The following NKAIN2 variants were observed in gnomAD, a reference collection of about 807,000 sequenced individuals.
The protein encoded by NKAIN2 is sodium/potassium transporting ATPase interacting 2, also known as sodium/potassium-transporting ATPase subunit beta-1-interacting protein 2.
In NKAIN2, 14 loss-of-function variants were observed where a neutral mutation model predicts 32.6. That is an observed-to-expected ratio of 0.43 (90% CI 0.28 to 0.67). NKAIN2 has a LOEUF of 0.67. Among genes scored for constraint, NKAIN2 ranks in the 30% least tolerant of loss-of-function variants. The pLI is 0.17. For missense variants in NKAIN2, 198 were observed against 258.3 expected (o/e 0.77, Z 1.60); for synonymous variants, 80 against 87.2 (o/e 0.92, Z 0.46).
At chr6:124,093,373 A>T (rs921517144) in intron 1 of NKAIN2, among the ~76,000 whole-genome samples, 2 of 152,132 alleles carry the variant, frequency 1.3e-5, no homozygotes, top group African/African-American at 4.8e-5. Flanking sequence ...CACATCCAGG[A>T]TCTACTACTT....
At chr6:124,805,298 C>T (rs1354697817) in intron 5 of NKAIN2, among the ~76,000 whole-genome samples, 2 of 152,156 alleles carry the variant, frequency 1.3e-5, no homozygotes, top group Non-Finnish European at 2.9e-5. Context: ...ACAAAACTTC[C>T]AGAGGAACGA....
At chr6:124,509,454 T>G (rs1778625903) in intron 3 of NKAIN2, among the ~76,000 whole-genome samples, 2 of 152,220 alleles carry the variant, frequency 1.3e-5, no homozygotes, top group African/African-American at 4.8e-5. Flanking sequence ...ACTGCCTTAT[T>G]ATAGGTCATC....
At chr6:124,351,654 C>T (rs752576404) in intron 2 of NKAIN2, among the ~76,000 whole-genome samples, 40 of 151,760 alleles carry the variant, frequency 2.6e-4, no homozygotes, top group Non-Finnish European at 1.0e-4. Flanking sequence ...TGAAGTCTTG[C>T]GCTGTCACCC....
intron 1 of NKAIN2, among the ~76,000 whole-genome samples, chr6:124,260,816 G>A (rs929645707): frequency 6.6e-6 from 1 of 152,152 alleles, no homozygotes; most frequent in Non-Finnish European, 1.5e-5. Flanking sequence ...TTTTGATATA[G>A]TTGAGACCCA....
intron 1 of NKAIN2, among the ~76,000 whole-genome samples, chr6:124,028,113 CATT>C (rs1183627274): frequency 6.6e-6 from 1 of 152,180 alleles, no homozygotes; most frequent in Admixed American, 6.5e-5. Flanking sequence ...GATGCCATTT[CATT>C]TTTTCTTTGT....
At chr6:124,549,072 A>G (rs1056873173) in intron 3 of NKAIN2, among the ~76,000 whole-genome samples, 14 of 152,198 alleles carry the variant, frequency 9.2e-5, no homozygotes, top group Non-Finnish European at 2.1e-4. Context: ...ATGAGGTCAA[A>G]GGTGGCTTTT....
intron 3 of NKAIN2, among the ~76,000 whole-genome samples, chr6:124,565,644 A>G (rs1455809616): frequency 6.6e-6 from 1 of 152,132 alleles, no homozygotes; most frequent in Admixed American, 6.6e-5. Context: ...CTGCACCTTT[A>G]CAGATTTAGG....
At chr6:124,204,850 G>C (rs962546089) in intron 1 of NKAIN2, among the ~76,000 whole-genome samples, 1 of 151,480 alleles carries the variant, frequency 6.6e-6, no homozygotes, top group African/African-American at 2.4e-5. Flanking sequence ...AGTGAGTACA[G>C]TTTCTTAGCA....
chr6:124,378,888 G>C (rs890325066), intron 3 of NKAIN2, among the ~76,000 whole-genome samples: 1 of 150,734 alleles, frequency 6.6e-6, no homozygotes, highest in African/African-American at 2.4e-5. Context: ...CCAGGAGTTT[G>C]AGTCCAGCCT....
chr6:124,230,206 C>T (rs1792376771), intron 1 of NKAIN2, among the ~76,000 whole-genome samples: 1 of 152,086 alleles, frequency 6.6e-6, no homozygotes, highest in Admixed American at 6.5e-5. Flanking sequence ...CAGCATTTTT[C>T]CCCTGCCCTA....
intron 1 of NKAIN2, among the ~76,000 whole-genome samples, chr6:124,069,781 T>C (rs1783353998): frequency 6.6e-6 from 1 of 152,196 alleles, no homozygotes; most frequent in Admixed American, 6.5e-5. Flanking sequence ...AGGACATCTC[T>C]TGATGGCTAC....
chr6:123,971,565 T>C (rs997604504), intron 1 of NKAIN2, among the ~76,000 whole-genome samples: 1 of 152,156 alleles, frequency 6.6e-6, no homozygotes, highest in African/African-American at 2.4e-5. Flanking sequence ...TTCCTACACA[T>C]CTAATATCTT....
chr6:123,941,028 T>A (rs1008661885), intron 1 of NKAIN2, among the ~76,000 whole-genome samples: 1 of 151,968 alleles, frequency 6.6e-6, no homozygotes, highest in Non-Finnish European at 1.5e-5. Flanking sequence ...TTTGCTATTT[T>A]AAAATTTTTA....
At chr6:124,215,918 G>C (rs1791453413) in intron 1 of NKAIN2, among the ~76,000 whole-genome samples, 1 of 152,050 alleles carries the variant, frequency 6.6e-6, no homozygotes, top group African/African-American at 2.4e-5. Flanking sequence ...AGGAGTTTCA[G>C]ACCAGCCTGG....
chr6:124,028,391 T>G, intron 1 of NKAIN2, among the ~76,000 whole-genome samples: 2 of 76,740 alleles, frequency 2.6e-5, no homozygotes, highest in Admixed American at 3.6e-4. Flanking sequence ...TAGGGCCACT[T>G]GAGGTGGGGG....
chr6:124,311,340 A>T (rs1014826735), intron 2 of NKAIN2, among the ~76,000 whole-genome samples: 5 of 152,226 alleles, frequency 3.3e-5, no homozygotes, highest in South Asian at 4.1e-4. Flanking sequence ...CAAGGAGGAA[A>T]ATGCCACAAA....
At chr6:123,899,883 C>T (rs1364876368) in intron 1 of NKAIN2, among the ~76,000 whole-genome samples, 2 of 152,122 alleles carry the variant, frequency 1.3e-5, no homozygotes, top group Admixed American at 1.3e-4. Flanking sequence ...CAGTATGAGT[C>T]CTGGGCAGGG....
intron 2 of NKAIN2, among the ~76,000 whole-genome samples, chr6:124,287,994 C>A (rs960869722): frequency 2.0e-5 from 3 of 151,860 alleles, no homozygotes; most frequent in Admixed American, 6.6e-5. Context: ...TTCCTTTCTT[C>A]CAAACTCAGT....
intron 2 of NKAIN2, among the ~76,000 whole-genome samples, chr6:124,306,550 T>C (rs1796511269): frequency 6.6e-6 from 1 of 152,198 alleles, no homozygotes; most frequent in Admixed American, 6.5e-5. Context: ...CATGACTCAG[T>C]ACTTCTATTG....
Sources: gnomAD v4.1 joint callset for allele counts (sites outside exome capture counted in the v4.1 genomes callset) on GRCh38, gnomAD v4.1.1 for gene constraint, MANE v1.5 for transcripts, NCBI Gene and HGNC (gene_info 2026-07-23, HGNC 2026-07-21) for gene names.